Variants in MICU1 observed in about 807,000 individuals in gnomAD.
MICU1 encodes the protein calcium uptake protein 1, mitochondrial.
In MICU1, 45 loss-of-function variants were observed where a neutral mutation model predicts 56.8. The ratio of observed to expected loss-of-function variants is 0.79; its 90% CI spans 0.62 to 1.02. The LOEUF (loss-of-function observed/expected upper bound fraction) is 1.02. Among genes scored for constraint, MICU1 ranks in the 50% least tolerant of loss-of-function variants. The probability of loss-of-function intolerance (pLI) is 0.00; values close to 1 mark genes in which losing one functional copy is unlikely to be tolerated. For missense variants in MICU1, 504 were observed against 587.1 expected (o/e 0.86, Z 1.46); for synonymous variants, 186 against 195.1 (o/e 0.95, Z 0.39).
At chr10:72,435,139 C>T (rs1356718054) in intron 8 of MICU1, among the ~76,000 whole-genome samples, 3 of 151,816 alleles carry the variant, frequency 2.0e-5, no homozygotes, top group African/African-American at 7.3e-5. Flanking sequence ...GCCTGTGATC[C>T]CAGCACTTTT....
chr10:72,493,027 G>A (rs551713687), intron 6 of MICU1, among the ~76,000 whole-genome samples: 152 of 152,268 alleles, frequency 1.0e-3, no homozygotes, highest in African/African-American at 3.0e-3. Flanking sequence ...TGAGGCAGGA[G>A]AATGACTTGA....
intron 1 of MICU1, among the ~76,000 whole-genome samples, chr10:72,570,362 T>C (rs906172852): frequency 1.1e-4 from 16 of 152,154 alleles, no homozygotes; most frequent in Admixed American, 4.6e-4. Flanking sequence ...TGTAAACACA[T>C]AGTCTAGCAC....
At chr10:72,602,395 G>A (rs1182617944) in intron 1 of MICU1, among the ~76,000 whole-genome samples, 1 of 151,474 alleles carries the variant, frequency 6.6e-6, no homozygotes, top group African/African-American at 2.4e-5. Context: ...AGGTTGCAGT[G>A]AGACAACATC....
intron 8 of MICU1, among the ~76,000 whole-genome samples, chr10:72,441,779 G>C (rs772398659): frequency 5.3e-5 from 8 of 151,692 alleles, no homozygotes; most frequent in Non-Finnish European, 1.0e-4. Context: ...ACTATGCCCA[G>C]CTATTTTTTT....
chr10:72,489,867 C>T (rs930257465), intron 6 of MICU1, among the ~76,000 whole-genome samples: 3 of 152,142 alleles, frequency 2.0e-5, no homozygotes, highest in Non-Finnish European at 2.9e-5. Context: ...AGATAAATCA[C>T]TGAGAAATTT....
chr10:72,625,522 T>C (rs1842206721), intron 1 of MICU1, among the ~76,000 whole-genome samples: 1 of 152,064 alleles, frequency 6.6e-6, no homozygotes, highest in Non-Finnish European at 1.5e-5. Flanking sequence ...ACAGTCCGAG[T>C]AGCCTGCACT....
At chr10:72,399,423 G>A (rs1289727829) in intron 10 of MICU1, among the ~76,000 whole-genome samples, 1 of 152,158 alleles carries the variant, frequency 6.6e-6, no homozygotes, top group East Asian at 1.9e-4. Flanking sequence ...TCTCAAACCT[G>A]CACGTTGTGC....
intron 8 of MICU1, among the ~76,000 whole-genome samples, chr10:72,439,610 T>G (rs1357812749): frequency 6.6e-6 from 1 of 152,192 alleles, no homozygotes; most frequent in East Asian, 1.9e-4. Flanking sequence ...GAAGTCAAAT[T>G]GTCCCTGTTT....
At chr10:72,438,912 C>A (rs1288703872) in intron 8 of MICU1, among the ~76,000 whole-genome samples, 1 of 152,192 alleles carries the variant, frequency 6.6e-6, no homozygotes, top group East Asian at 1.9e-4. Flanking sequence ...TAATTAATAG[C>A]CTACCAACCA....
chr10:72,439,121 C>T (rs1412748610), intron 8 of MICU1, among the ~76,000 whole-genome samples: 5 of 152,194 alleles, frequency 3.3e-5, no homozygotes, highest in East Asian at 1.9e-4. Context: ...AGACCAATAT[C>T]GCTGATGAAC....
intron 1 of MICU1, among the ~76,000 whole-genome samples, chr10:72,586,647 A>G (rs950765053): frequency 6.6e-6 from 1 of 151,078 alleles, no homozygotes; most frequent in Non-Finnish European, 1.5e-5. Flanking sequence ...GCGAGACTCC[A>G]TCTCAAAAAA....
intron 5 of MICU1, among the ~76,000 whole-genome samples, chr10:72,514,218 T>C (rs1867574060): frequency 6.6e-6 from 1 of 152,212 alleles, no homozygotes; most frequent in Non-Finnish European, 1.5e-5. Flanking sequence ...TATGTATCTA[T>C]TGAAATTTTC....
chr10:72,566,538 A>T (rs1840443190), intron 2 of MICU1, 95 bp downstream of exon 2: 2 of 1,265,162 alleles, frequency 1.6e-6, no homozygotes, highest in Non-Finnish European at 2.2e-6. Flanking sequence ...AAATTCTGAT[A>T]CAGAGTTAAG....
At chr10:72,613,165 T>C (rs1488763404) in intron 1 of MICU1, among the ~76,000 whole-genome samples, 1 of 152,136 alleles carries the variant, frequency 6.6e-6, no homozygotes, top group Non-Finnish European at 1.5e-5. Flanking sequence ...TTTGATATAC[T>C]TGCTTCATCT....
At chr10:72,587,038 C>T (rs1841081665) in intron 1 of MICU1, among the ~76,000 whole-genome samples, 1 of 152,102 alleles carries the variant, frequency 6.6e-6, no homozygotes, top group African/African-American at 2.4e-5. Context: ...ATGCTCCTCC[C>T]CTACACCTTT....
chr10:72,456,766 G>A (rs1865470542), intron 8 of MICU1, among the ~76,000 whole-genome samples: 1 of 151,788 alleles, frequency 6.6e-6, no homozygotes, highest in South Asian at 2.1e-4. Context: ...CCAACTCACT[G>A]CAGTTTCAGC....
chr10:72,379,137 C>A (rs1430412066), intron 10 of MICU1, among the ~76,000 whole-genome samples: 1 of 152,122 alleles, frequency 6.6e-6, no homozygotes, highest in Admixed American at 6.5e-5. Context: ...ACTAAACTGT[C>A]CACAGAAGGA....
At position 72,600,847 on chromosome 10, in the gene MICU1, C is replaced by T. The variant is rs886111604; in HGVS notation, c.-2+25163G>A. On this transcript the variant is annotated intron_variant, in intron 1 of 11. Transcript: ENST00000361114. ...CAGTACTATCTGCTGTTTCAGGCAT[C>T]CACTGAGGGTCTTAGAACATATCCC... Among the ~76,000 whole-genome samples the T allele has an allele frequency of 2.0e-5, 3 of 152,088 alleles. No homozygotes were observed. The South Asian group carries it at 6.2e-4, about 32-fold the overall frequency.
intron 8 of MICU1, 108 bp downstream of exon 8, chr10:72,474,992 C>G (rs1866068077): frequency 3.3e-6 from 3 of 910,322 alleles, no homozygotes; most frequent in Non-Finnish European, 4.9e-6. Flanking sequence ...AGCTTCAAAT[C>G]AATCAGTTCT....
Sources: allele counts gnomAD v4.1 joint callset (sites outside exome capture counted in the v4.1 genomes callset), GRCh38; gene constraint gnomAD v4.1.1; transcripts MANE v1.5; gene names NCBI Gene and HGNC (gene_info 2026-07-23, HGNC 2026-07-21).